The following CLASP1 variants were observed in gnomAD, a reference collection of about 807,000 sequenced individuals.
CLASP1 encodes cytoplasmic linker associated protein 1.
A neutral mutation model predicts 192.3 loss-of-function variants in CLASP1; 38 were observed. The observed-to-expected ratio is 0.20, with a 90% CI of 0.15 to 0.26. The LOEUF (loss-of-function observed/expected upper bound fraction) is 0.26. Among genes scored for constraint, CLASP1 ranks in the 10% least tolerant of loss-of-function variants. CLASP1 has a pLI of 1.00. For synonymous variants in CLASP1, 691 were observed against 712.8 expected, an observed-to-expected ratio of 0.97 and a Z score of 0.49; for missense variants, 1,433 against 1,932.5, an observed-to-expected ratio of 0.74 and a Z score of 4.85.
intron 8 of CLASP1, among the ~76,000 whole-genome samples, chr2:121,489,063 C>T (rs2093154410): frequency 6.6e-6 from 1 of 152,154 alleles, no homozygotes; most frequent in African/African-American, 2.4e-5. Context: ...CAACTTAAGT[C>T]AAATGCTACT....
chr2:121,540,350 C>A (rs1007255215), intron 2 of CLASP1, among the ~76,000 whole-genome samples: 39 of 152,266 alleles, frequency 2.6e-4, no homozygotes, highest in African/African-American at 8.4e-4. Flanking sequence ...AGTTCAAAAA[C>A]AAGCAAATAA....
chr2:121,639,822 C>T (rs186223431), intron 1 of CLASP1, among the ~76,000 whole-genome samples: 1 of 145,340 alleles, frequency 6.9e-6, no homozygotes, highest in East Asian at 2.1e-4. Flanking sequence ...AAGATTGCAC[C>T]ATGGCACTTC....
chr2:121,569,444 C>T (rs576104922), intron 2 of CLASP1, among the ~76,000 whole-genome samples: 11 of 152,320 alleles, frequency 7.2e-5, no homozygotes, highest in Non-Finnish European at 1.5e-5. Flanking sequence ...GCTAGGCCTT[C>T]GGCACAAGGT....
chr2:121,575,583 T>C (rs2060433352), intron 2 of CLASP1, among the ~76,000 whole-genome samples: 1 of 152,174 alleles, frequency 6.6e-6, no homozygotes, highest in Admixed American at 6.5e-5. Flanking sequence ...TAAAGAGGTA[T>C]GGCAGGTAGT....
chr2:121,452,434 G>A (rs1469217114), intron 14 of CLASP1, among the ~76,000 whole-genome samples: 1 of 151,984 alleles, frequency 6.6e-6, no homozygotes, highest in Middle Eastern at 3.2e-3. Context: ...ATTTTTCTTG[G>A]TCTGATTTGT....
chr2:121,511,071 A>G (rs927609111), intron 7 of CLASP1, among the ~76,000 whole-genome samples: 15 of 152,210 alleles, frequency 9.9e-5, no homozygotes, highest in Non-Finnish European at 2.1e-4. Context: ...ATGAGTATGC[A>G]GTAAGTATAC....
intron 1 of CLASP1, among the ~76,000 whole-genome samples, chr2:121,625,359 G>A (rs183307775): frequency 1.1e-3 from 174 of 151,564 alleles, no homozygotes; most frequent in African/African-American, 3.9e-3. Flanking sequence ...GGTTTCTAAC[G>A]GTGAAATCCA....
chr2:121,560,899 T>A (rs2059021399), intron 2 of CLASP1, among the ~76,000 whole-genome samples: 3 of 152,078 alleles, frequency 2.0e-5, no homozygotes, highest in African/African-American at 7.3e-5. Context: ...CACAACTGGC[T>A]AATTTTTGTT....
At chr2:121,534,619 C>T (rs1234459044) in intron 2 of CLASP1, among the ~76,000 whole-genome samples, 1 of 151,972 alleles carries the variant, frequency 6.6e-6, no homozygotes, top group Non-Finnish European at 1.5e-5. Flanking sequence ...CTCACTGCAA[C>T]CTCCGCCTCC....
intron 2 of CLASP1, among the ~76,000 whole-genome samples, chr2:121,587,343 C>A (rs942557354): frequency 6.6e-6 from 1 of 152,210 alleles, no homozygotes; most frequent in Non-Finnish European, 1.5e-5. Flanking sequence ...GAACATCCCC[C>A]TGCCTGGATC....
intron 37 of CLASP1, among the ~76,000 whole-genome samples, chr2:121,359,420 C>T (rs1326620345): frequency 6.6e-6 from 1 of 152,234 alleles, no homozygotes; most frequent in Non-Finnish European, 1.5e-5. Flanking sequence ...CCCAGAATCT[C>T]TTTGTAGTAT....
At chr2:121,382,138 G>C in intron 33 of CLASP1, 70 bp downstream of exon 34, 3 of 1,258,574 alleles carry the variant, frequency 2.4e-6, no homozygotes, top group Admixed American at 3.9e-5. Flanking sequence ...CTTTCCCAAA[G>C]ACCTGAGACG....
intron 2 of CLASP1, among the ~76,000 whole-genome samples, chr2:121,603,430 G>T (rs1181370980): frequency 6.6e-6 from 1 of 152,142 alleles, no homozygotes; most frequent in African/African-American, 2.4e-5. Flanking sequence ...AATAATAAAT[G>T]CTGATGAGGA....
At chr2:121,345,796 C>T (rs1229195612) in intron 39 of CLASP1, among the ~76,000 whole-genome samples, 1 of 152,214 alleles carries the variant, frequency 6.6e-6, no homozygotes, top group South Asian at 2.1e-4. Flanking sequence ...CGGTTCTCAA[C>T]CAGGGGTGAT....
At chr2:121,407,932 A>C (rs2077160208) in intron 24 of CLASP1, 1 of 684,996 alleles carries the variant, frequency 1.5e-6, no homozygotes, top group African/African-American at 1.7e-5. Flanking sequence ...GAAGGGAAAG[A>C]GTATGGCCTC....
chr2:121,600,616 C>T (rs2063681531), intron 2 of CLASP1, among the ~76,000 whole-genome samples: 1 of 152,248 alleles, frequency 6.6e-6, no homozygotes, highest in Non-Finnish European at 1.5e-5. Flanking sequence ...TGTCTTCCCA[C>T]AGAACTCTGT....
intron 39 of CLASP1, among the ~76,000 whole-genome samples, chr2:121,343,868 C>G (rs2063097791): frequency 2.0e-5 from 3 of 152,136 alleles, no homozygotes; most frequent in South Asian, 4.1e-4. Context: ...GTCGAGAGTT[C>G]GAGACCAGCC....
chr2:121,526,507 T>G (rs938759642), intron 5 of CLASP1, among the ~76,000 whole-genome samples: 5 of 152,204 alleles, frequency 3.3e-5, no homozygotes, highest in Non-Finnish European at 7.3e-5. Context: ...ATCTGCCTAC[T>G]ACCTTAGCAT....
In CLASP1 at chr2:121,601,272, A is replaced by ATT. The variant is rs1049615967; in HGVS notation, c.195+4427_195+4428dup. Among the ~76,000 whole-genome samples, 738 of 138,432 alleles carry ATT rather than the reference A, an allele frequency of 5.3e-3. 10 individuals carry two copies. The highest frequency in any genetic ancestry group is 0.019 in the African/African-American group (700 of 37,428). The allele number at this position is 138,432 out of a possible 152,430, so 90.8% of individuals were successfully genotyped here. A position where few individuals can be genotyped will look rare whatever the true frequency, so the allele number is the denominator to read the frequency against. ...GACTGAATGAGGAAAAGCGTTCAGC[A>ATT]TTTTTTTTTTTTTTTTTTGAGATGG... On this transcript the variant is annotated intron_variant, in intron 2 of 39. Coordinates refer to ENST00000263710, the Ensembl canonical transcript of CLASP1.
Sources: allele counts gnomAD v4.1 joint callset (sites outside exome capture counted in the v4.1 genomes callset), GRCh38; gene constraint gnomAD v4.1.1; transcripts MANE v1.5; gene names NCBI Gene and HGNC (gene_info 2026-07-23, HGNC 2026-07-21).